Variants in TRAPPC9 observed in about 807,000 individuals in gnomAD.
The protein encoded by TRAPPC9 is IKK2 binding protein.
In TRAPPC9, 83 loss-of-function variants were observed where a neutral mutation model predicts 124.0. The ratio of observed to expected loss-of-function variants is 0.67; its 90% confidence interval spans 0.56 to 0.80. The LOEUF (loss-of-function observed/expected upper bound fraction) is 0.80. Among genes scored for constraint, TRAPPC9 ranks in the 30% least tolerant of loss-of-function variants. The probability of loss-of-function intolerance (pLI) is 0.00; values close to 1 mark genes in which losing one functional copy is unlikely to be tolerated. For missense variants in TRAPPC9, 1,302 were observed against 1,508.3 expected (o/e 0.86, Z 2.27); for synonymous variants, 638 against 617.5 (o/e 1.03, Z -0.49).
chr8:140,188,138 G>C (rs147123771), intron 17 of TRAPPC9, among the ~76,000 whole-genome samples: 1 of 152,314 alleles, frequency 6.6e-6, no homozygotes, highest in African/African-American at 2.4e-5. Context: ...GAAGCTAAAT[G>C]TGCGAGCAGG....
At chr8:139,835,431 C>T (rs1367825651) in intron 21 of TRAPPC9, among the ~76,000 whole-genome samples, 4 of 152,244 alleles carry the variant, frequency 2.6e-5, no homozygotes, top group East Asian at 3.8e-4. Context: ...TTCCCTCCTG[C>T]GCCCCATTGT....
chr8:139,990,985 G>C (rs904303486), intron 18 of TRAPPC9, among the ~76,000 whole-genome samples: 3 of 152,176 alleles, frequency 2.0e-5, no homozygotes, highest in African/African-American at 7.2e-5. Context: ...TCTGGGTGGG[G>C]CTGCCTTCCC....
At position 139,793,243 on chromosome 8, in the gene TRAPPC9, C is replaced by T. The variant is rs79720424; in HGVS notation, c.3056-61041G>A. Among the ~76,000 whole-genome samples, 1,292 of 152,284 alleles carry T rather than the reference C, an allele frequency of 8.5e-3. 18 individuals carry two copies. Among genetic ancestry groups the T allele is most frequent in the African/African-American group, 0.03 (1,228 of 41,550 alleles). ...TCCTCTGCAGCCTTCTCTTCCAGGA[C>T]CCCTCTGTCCCAACCAGACTCCTTT... On this transcript the variant is annotated intron_variant, in intron 21 of 22. Coordinates refer to ENST00000438773, the MANE Select transcript of TRAPPC9 (RefSeq NM_001160372.4).
chr8:140,428,694 T>C (rs2070516718), intron 4 of TRAPPC9, among the ~76,000 whole-genome samples: 1 of 152,206 alleles, frequency 6.6e-6, no homozygotes, highest in African/African-American at 2.4e-5. Context: ...GGGAACTGAA[T>C]ACCACTCCCT....
chr8:139,894,871 C>A (rs972085966), intron 20 of TRAPPC9, among the ~76,000 whole-genome samples: 10 of 152,134 alleles, frequency 6.6e-5, no homozygotes, highest in African/African-American at 2.4e-4. Flanking sequence ...TCCCACTGGC[C>A]AATTCTAAAT....
chr8:139,832,749 C>T (rs1184085069), intron 21 of TRAPPC9, among the ~76,000 whole-genome samples: 1 of 152,172 alleles, frequency 6.6e-6, no homozygotes, highest in African/African-American at 2.4e-5. Context: ...CAGCCTTGAC[C>T]TCCAAGGTGG....
At chr8:139,822,963 G>A (rs1563840652) in intron 21 of TRAPPC9, among the ~76,000 whole-genome samples, 1 of 152,084 alleles carries the variant, frequency 6.6e-6, no homozygotes, top group African/African-American at 2.4e-5. Flanking sequence ...CTGGCAGTCC[G>A]CTAACCTGCT....
At chr8:140,362,120 T>C (rs1241046671) in intron 8 of TRAPPC9, among the ~76,000 whole-genome samples, 1 of 152,228 alleles carries the variant, frequency 6.6e-6, no homozygotes, top group East Asian at 1.9e-4. Context: ...GCACCTGTAA[T>C]CTCATGTCTT....
intron 17 of TRAPPC9, among the ~76,000 whole-genome samples, chr8:140,088,483 G>C (rs1844347803): frequency 6.6e-6 from 1 of 152,182 alleles, no homozygotes; most frequent in Non-Finnish European, 1.5e-5. Context: ...CGAGGACTGG[G>C]ACCTTTTGAA....
chr8:139,785,246 T>C (rs60458430), intron 21 of TRAPPC9, among the ~76,000 whole-genome samples: 1 of 152,204 alleles, frequency 6.6e-6, no homozygotes, highest in Non-Finnish European at 1.5e-5. Context: ...CTTCAGTCCC[T>C]ACGTTGTATT....
chr8:139,916,055 AG>A (rs1013469899), intron 19 of TRAPPC9, among the ~76,000 whole-genome samples: 1 of 152,144 alleles, frequency 6.6e-6, no homozygotes, highest in African/African-American at 2.4e-5. Flanking sequence ...ACTTCAGGGG[AG>A]CTTATATTTA....
intron 1 of TRAPPC9, 106 bp from the exon 2 acceptor site, chr8:140,451,489 G>T: frequency 3.1e-6 from 3 of 968,012 alleles, no homozygotes; most frequent in East Asian, 2.6e-5. Flanking sequence ...GGCAGGGGAA[G>T]CCCCAAGGAA....
chr8:139,729,269 G>T lies in TRAPPC9; in HGVS notation c.*1792C>A, dbSNP rs1469523230. ...GGGGGACATTGTCTACACAAGTGAGGTTGGGCTGAGCCCATCATCCTGCAA... is the reference window on the plus strand; with the variant it reads ...GGGGGACATTGTCTACACAAGTGAGTTTGGGCTGAGCCCATCATCCTGCAA... On this transcript the variant is annotated 3_prime_UTR_variant, in exon 23 of 23. Coordinates refer to ENST00000438773, the MANE Select transcript of TRAPPC9 (RefSeq NM_001160372.4). Among the ~76,000 whole-genome samples, 1 of 152,250 alleles carries T rather than the reference G, an allele frequency of 6.6e-6. No individual in the cohort carries two copies. Among genetic ancestry groups the T allele is most frequent in the East Asian group, 1.9e-4 (1 of 5,198 alleles).
intron 17 of TRAPPC9, among the ~76,000 whole-genome samples, chr8:140,126,692 A>G (rs546678162): frequency 6.6e-6 from 1 of 152,378 alleles, no homozygotes; most frequent in Non-Finnish European, 1.5e-5. Flanking sequence ...TAGCCAGAGC[A>G]TAAGTAGCGA....
intron 21 of TRAPPC9, among the ~76,000 whole-genome samples, chr8:139,770,009 A>G (rs1038807076): frequency 1.3e-5 from 2 of 152,176 alleles, no homozygotes; most frequent in Non-Finnish European, 2.9e-5. Context: ...AGGTTTTGCC[A>G]CCCGCCAGTG....
chr8:140,199,504 ATC>A (rs2062741119), intron 17 of TRAPPC9, among the ~76,000 whole-genome samples: 2 of 151,172 alleles, frequency 1.3e-5, no homozygotes, highest in South Asian at 4.2e-4. Flanking sequence ...ACCTAGGGCC[ATC>A]TACGCCCCCA....
At chr8:140,393,284 A>G (rs1174890272) in intron 7 of TRAPPC9, among the ~76,000 whole-genome samples, 2 of 152,002 alleles carry the variant, frequency 1.3e-5, no homozygotes, top group Non-Finnish European at 2.9e-5. Flanking sequence ...AGGTTACATA[A>G]CTATTCCAGG....
intron 19 of TRAPPC9, among the ~76,000 whole-genome samples, chr8:139,941,004 C>T (rs1488859825): frequency 1.3e-5 from 2 of 152,222 alleles, no homozygotes; most frequent in Non-Finnish European, 1.5e-5. Context: ...TAGCATCTCC[C>T]ATCACTGTCC....
intron 8 of TRAPPC9, among the ~76,000 whole-genome samples, chr8:140,370,255 T>TCAG (rs2068243256): frequency 2.6e-5 from 4 of 151,978 alleles, no homozygotes; most frequent in Non-Finnish European, 5.9e-5. Context: ...TTCTCTTGCC[T>TCAG]CAGCCTCCTG....
Sources: gnomAD v4.1 joint callset for allele counts (sites outside exome capture counted in the v4.1 genomes callset) on GRCh38, gnomAD v4.1.1 for gene constraint, MANE v1.5 for transcripts, NCBI Gene and HGNC (gene_info 2026-07-23, HGNC 2026-07-21) for gene names.